The following ZC3HAV1L variants were observed in gnomAD, a reference collection of about 807,000 sequenced individuals.
ZC3HAV1L encodes the protein ZC3HAV1 like.
Under a neutral mutation model 28.2 loss-of-function variants are expected in ZC3HAV1L, and 23 were observed. That is an observed-to-expected ratio of 0.82 (90% CI 0.59 to 1.16). ZC3HAV1L has a LOEUF of 1.16. Among genes scored for constraint, ZC3HAV1L ranks in the 50% most tolerant of loss-of-function variants. ZC3HAV1L has a pLI of 0.00. For missense variants in ZC3HAV1L, 376 were observed against 387.7 expected, an observed-to-expected ratio of 0.97 and a Z score of 0.25; for synonymous variants, 180 against 163.4, an observed-to-expected ratio of 1.10 and a Z score of -0.78.
chr7:139,026,939 G>A (rs1202664460), intron 3 of ZC3HAV1L, 106 bp from the exon 4 acceptor site: 2 of 1,274,008 alleles, frequency 1.6e-6, no homozygotes, highest in Non-Finnish European at 2.1e-6. Flanking sequence ...CCCAACACAT[G>A]GATTTGGAGA....
intron 1 of ZC3HAV1L, 62 bp from the exon 2 acceptor site, chr7:139,034,740 T>G: frequency 6.3e-7 from 1 of 1,590,884 alleles, no homozygotes; most frequent in South Asian, 1.1e-5. Context: ...GTCCAATTCC[T>G]TGCCTTGAGC....
intron 1 of ZC3HAV1L, 107 bp downstream of exon 1, chr7:139,035,546 C>T: frequency 7.6e-7 from 1 of 1,323,240 alleles, no homozygotes; most frequent in Admixed American, 4.2e-5. Flanking sequence ...CCCCGCGTCC[C>T]CGGCCCGGGG....
chr7:139,024,140 A>T (rs1815300379), downstream of ZC3HAV1L, among the ~76,000 whole-genome samples: 1 of 152,236 alleles, frequency 6.6e-6, no homozygotes, highest in Non-Finnish European at 1.5e-5. Flanking sequence ...CCGATAAATT[A>T]CCAAAGAAAA....
At chr7:139,032,417 G>A (rs1029398112) in intron 2 of ZC3HAV1L, among the ~76,000 whole-genome samples, 3 of 151,740 alleles carry the variant, frequency 2.0e-5, no homozygotes, top group African/African-American at 7.2e-5. Context: ...GGCGGATCAC[G>A]AGGTCAGGAG....
chr7:139,026,804 G>A lies in ZC3HAV1L; in HGVS notation c.790C>T (p.Gln264Ter), dbSNP rs1178509494. The change falls in exon 4 of 5, where the codon CAA (glutamine) becomes TAA (stop). Residue 264 changes from glutamine (Q) to a stop codon, truncating the protein, a stop_gained. Coordinates refer to ENST00000275766, the MANE Select transcript of ZC3HAV1L (RefSeq NM_080660.4). LOFTEE classifies it high-confidence loss of function. ...DNSSPSTEHS[Q>*]GLEKQGVHAA... Reference sequence around the variant, plus strand: ...TGCACTCCTTGCTTCTCAAGGCCTTGTGAATGCTCAGTCGAAGGTGATGAA... The same window carrying A: ...TGCACTCCTTGCTTCTCAAGGCCTTATGAATGCTCAGTCGAAGGTGATGAA... 1.2e-6 allele frequency: 2 copies of A among 1,614,092 alleles called. No individual in the cohort carries two copies. The highest frequency in any genetic ancestry group is 1.3e-5 in the African/African-American group (1 of 75,044).
chr7:139,027,491 A>G (rs1016166657), intron 3 of ZC3HAV1L, among the ~76,000 whole-genome samples: 2 of 152,162 alleles, frequency 1.3e-5, no homozygotes, highest in Non-Finnish European at 2.9e-5. Context: ...TGGTCAACAT[A>G]GCAAAACCTT....
rs768762390 is a variant in ZC3HAV1L at position 139,025,842 on chromosome 7, T to C, written c.*702A>G. ...TTAAGACAGGAGTTATATTCAAAAT[T>C]TGTTAAGAGGCTGGGTGCAGTGGCT... On this transcript the variant is annotated 3_prime_UTR_variant, in exon 5 of 5. Transcript: ENST00000275766. The C allele has an allele frequency of 1.3e-5, 2 of 151,998 alleles. No individual in the cohort carries two copies. The highest frequency in any genetic ancestry group is 2.4e-5 in the African/African-American group (1 of 41,388). The allele number at this position is 151,998 out of a possible 1,614,324, so 9.4% of individuals were successfully genotyped here.
At chr7:139,031,851 G>A (rs1815543454) in intron 2 of ZC3HAV1L, among the ~76,000 whole-genome samples, 1 of 152,200 alleles carries the variant, frequency 6.6e-6, no homozygotes. Context: ...ATTGCAGTGA[G>A]CTGAGATCAC....
chr7:139,028,019 T>C (rs764612202), intron 3 of ZC3HAV1L, among the ~76,000 whole-genome samples: 2 of 152,168 alleles, frequency 1.3e-5, no homozygotes, highest in African/African-American at 2.4e-5. Flanking sequence ...CATCCCTACA[T>C]TAATCTTACT....
chr7:139,029,426 T>C (rs1231314898), intron 2 of ZC3HAV1L, among the ~76,000 whole-genome samples: 1 of 152,226 alleles, frequency 6.6e-6, no homozygotes, highest in Non-Finnish European at 1.5e-5. Context: ...AGCCTGATGA[T>C]AGTGTAGTGG....
intron 1 of ZC3HAV1L, chr7:139,034,998 C>T (rs1031924201): frequency 2.0e-6 from 2 of 985,306 alleles, no homozygotes; most frequent in Non-Finnish European, 2.4e-6. Flanking sequence ...AGTCCACCAA[C>T]GTTAAAAAGA....
intron 1 of ZC3HAV1L, chr7:139,035,228 C>T (rs1351108169): frequency 2.0e-6 from 2 of 985,322 alleles, no homozygotes; most frequent in Non-Finnish European, 2.4e-6. Context: ...CCCGCTTCTG[C>T]ACAAGTGTGT....
At chr7:139,023,197 A>AAAC (rs1164778129), downstream of ZC3HAV1L, among the ~76,000 whole-genome samples, 3 of 151,566 alleles carry the variant, frequency 2.0e-5, no homozygotes, top group Non-Finnish European at 4.4e-5. Flanking sequence ...AAAAAAAAAA[A>AAAC]AAAAACAGGG....
chr7:139,023,791 T>C (rs1238158531), downstream of ZC3HAV1L, among the ~76,000 whole-genome samples: 2 of 152,138 alleles, frequency 1.3e-5, no homozygotes, highest in African/African-American at 4.8e-5. Context: ...AACCACTGAG[T>C]TTATGCATCT....
chr7:139,024,519 T>A (rs983454501), downstream of ZC3HAV1L, among the ~76,000 whole-genome samples: 3 of 152,104 alleles, frequency 2.0e-5, no homozygotes, highest in Non-Finnish European at 2.9e-5. Context: ...AATGTAAAAA[T>A]TTTTTTAATT....
intron 2 of ZC3HAV1L, among the ~76,000 whole-genome samples, chr7:139,033,178 G>A (rs116739358): frequency 0.016 from 2,321 of 148,094 alleles, 62 homozygotes; most frequent in African/African-American, 0.055. Flanking sequence ...CAGCCTGTGT[G>A]AGAGAGTAAG....
chr7:139,030,836 AATTAAT>A (rs1237456428), intron 2 of ZC3HAV1L, among the ~76,000 whole-genome samples: 42 of 150,680 alleles, frequency 2.8e-4, no homozygotes, highest in African/African-American at 6.4e-4. Flanking sequence ...AATAATAATT[AATTAAT>A]TAATTAATTA....
chr7:139,032,667 T>TA (rs1370198056), intron 2 of ZC3HAV1L, among the ~76,000 whole-genome samples: 2 of 148,510 alleles, frequency 1.3e-5, no homozygotes, highest in Non-Finnish European at 3.0e-5. Context: ...AAAAATAAAA[T>TA]AAAATAAATA....
chr7:139,035,103 G>A lies in ZC3HAV1L; in HGVS notation c.366-425C>T, dbSNP rs559072402. On this transcript the variant is annotated intron_variant, in intron 1 of 4. Coordinates refer to ENST00000275766, the MANE Select transcript of ZC3HAV1L (RefSeq NM_080660.4). Reference sequence around the variant, plus strand: ...TGTGAAGCACAGCCTGGGGTCAGGAGGCAGCCCCGAACCCCAGCTCTGGCA... The same window carrying A: ...TGTGAAGCACAGCCTGGGGTCAGGAAGCAGCCCCGAACCCCAGCTCTGGCA... 6.7e-5 allele frequency: 66 copies of A among 985,442 alleles called. No homozygotes were observed. In the Middle Eastern group the frequency reaches 2.1e-3, roughly 31 times the overall value. 61.0% of individuals were successfully genotyped at this position (985,442 alleles called of 1,614,324 possible).
Sources: allele counts gnomAD v4.1 joint callset (sites outside exome capture counted in the v4.1 genomes callset), GRCh38; gene constraint gnomAD v4.1.1; transcripts MANE v1.5; gene names NCBI Gene and HGNC (gene_info 2026-07-23, HGNC 2026-07-21).